KAZN: variants seen among roughly 807,000 people sequenced by gnomAD.
KAZN encodes kazrin, periplakin interacting protein, also known as kazrin.
In KAZN, 40 loss-of-function variants were observed where a neutral mutation model predicts 87.4. That is an observed-to-expected ratio of 0.46 (90% CI 0.36 to 0.60). The LOEUF (loss-of-function observed/expected upper bound fraction) is 0.60, where lower values mean the gene tolerates loss of function less well. KAZN is among the 20% of genes least tolerant of loss of function. KAZN has a pLI of 0.00. For synonymous variants in KAZN, 466 were observed against 458.3 expected (o/e 1.02, Z -0.22); for missense variants, 898 against 1,073.9 (o/e 0.84, Z 2.29).
chr1:14,588,268 C>A (rs1328898166), intron 2 of KAZN, among the ~76,000 whole-genome samples: 1 of 152,138 alleles, frequency 6.6e-6, no homozygotes, highest in East Asian at 1.9e-4. Flanking sequence ...CATTTAGCCT[C>A]TTCTTGGATA....
At chr1:14,833,902 C>T (rs189681533) in intron 1 of KAZN, among the ~76,000 whole-genome samples, 10 of 151,262 alleles carry the variant, frequency 6.6e-5, no homozygotes, top group East Asian at 2.0e-4. Flanking sequence ...GTCTAAGAGC[C>T]GAGAATGTCA....
At chr1:13,961,749 G>A (rs1641761877) in intron 1 of KAZN, among the ~76,000 whole-genome samples, 1 of 152,138 alleles carries the variant, frequency 6.6e-6, no homozygotes, top group African/African-American at 2.4e-5. Flanking sequence ...AGATTCTCTG[G>A]GATGGACTGA....
chr1:14,932,467 G>C (rs1022877242), intron 1 of KAZN, among the ~76,000 whole-genome samples: 5 of 152,192 alleles, frequency 3.3e-5, no homozygotes, highest in Admixed American at 3.3e-4. Flanking sequence ...CCTGCGTGGG[G>C]CCCTCCCCTG....
chr1:14,551,592 C>A (rs137911682), intron 2 of KAZN, among the ~76,000 whole-genome samples: 2 of 152,284 alleles, frequency 1.3e-5, no homozygotes, highest in South Asian at 2.1e-4. Context: ...ATCTGCTCCA[C>A]GTGTTCGTTC....
At chr1:14,444,361 G>A (rs1299847645) in intron 2 of KAZN, among the ~76,000 whole-genome samples, 1 of 130,452 alleles carries the variant, frequency 7.7e-6, no homozygotes, top group Non-Finnish European at 1.5e-5. Context: ...CACCCAGGCT[G>A]GAGTGCAATG....
chr1:14,053,428 CTG>C (rs1052791951), intron 1 of KAZN, among the ~76,000 whole-genome samples: 3 of 152,190 alleles, frequency 2.0e-5, no homozygotes, highest in African/African-American at 7.2e-5. Context: ...ACCTACAGAA[CTG>C]TGCAATAATG....
At chr1:14,085,544 T>A (rs1204139215) in intron 1 of KAZN, among the ~76,000 whole-genome samples, 1 of 152,252 alleles carries the variant, frequency 6.6e-6, no homozygotes, top group Non-Finnish European at 1.5e-5. Context: ...TGTGTCTACC[T>A]CCTTACACTT....
chr1:14,904,097 T>C (rs1346147925), intron 1 of KAZN, among the ~76,000 whole-genome samples: 1 of 152,178 alleles, frequency 6.6e-6, no homozygotes, highest in Non-Finnish European at 1.5e-5. Flanking sequence ...AGGCTCAGTC[T>C]TGAGTTAGCA....
At chr1:14,745,012 C>T (rs577970223) in intron 1 of KAZN, among the ~76,000 whole-genome samples, 10 of 152,254 alleles carry the variant, frequency 6.6e-5, no homozygotes, top group Admixed American at 3.9e-4. Flanking sequence ...TAACTTACTA[C>T]AGATAGACCT....
At chr1:14,054,580 A>C (rs1642472630) in intron 1 of KAZN, among the ~76,000 whole-genome samples, 1 of 152,234 alleles carries the variant, frequency 6.6e-6, no homozygotes, top group Non-Finnish European at 1.5e-5. Context: ...GGGTAGCTCA[A>C]TTCTTGGCCC....
chr1:13,923,340 G>C (rs531589328), intron 1 of KAZN, among the ~76,000 whole-genome samples: 2 of 152,134 alleles, frequency 1.3e-5, no homozygotes, highest in Non-Finnish European at 2.9e-5. Flanking sequence ...TTGGGAGGCT[G>C]AGGTGGGCAG....
chr1:15,002,785 A>G (rs1217804985), intron 2 of KAZN, among the ~76,000 whole-genome samples: 5 of 151,912 alleles, frequency 3.3e-5, no homozygotes, highest in Admixed American at 2.6e-4. Flanking sequence ...AGACCAGCCT[A>G]CCTAAAATGG....
chr1:14,202,858 CAT>C (rs1181018851), intron 2 of KAZN, among the ~76,000 whole-genome samples: 1 of 152,000 alleles, frequency 6.6e-6, no homozygotes, highest in Admixed American at 6.6e-5. Flanking sequence ...CTCTACTAAA[CAT>C]ATAAAAAGTT....
intron 1 of KAZN, among the ~76,000 whole-genome samples, chr1:13,919,954 T>G (rs1424608953): frequency 6.6e-6 from 1 of 152,232 alleles, no homozygotes; most frequent in East Asian, 1.9e-4. Context: ...GGGGTCATGA[T>G]TCTTCCTTTT....
At chr1:14,587,718 C>T (rs931593255) in intron 2 of KAZN, among the ~76,000 whole-genome samples, 3 of 152,060 alleles carry the variant, frequency 2.0e-5, no homozygotes, top group African/African-American at 4.8e-5. Context: ...GGTACTAAGT[C>T]GGTCATAAGA....
chr1:14,934,332 G>A (rs997959707), intron 1 of KAZN, among the ~76,000 whole-genome samples: 6 of 151,000 alleles, frequency 4.0e-5, no homozygotes, highest in Non-Finnish European at 8.8e-5. Flanking sequence ...TCAGCCTCCC[G>A]AGTAGCTGGG....
At chr1:14,529,314 T>C (rs1380824791) in intron 2 of KAZN, among the ~76,000 whole-genome samples, 11 of 152,058 alleles carry the variant, frequency 7.2e-5, no homozygotes, top group Admixed American at 7.2e-4. Context: ...AAAAAATAAA[T>C]AATTGTCTTT....
chr1:14,303,707 C>G (rs1447565480), intron 2 of KAZN, among the ~76,000 whole-genome samples: 1 of 152,188 alleles, frequency 6.6e-6, no homozygotes, highest in African/African-American at 2.4e-5. Flanking sequence ...CCCATTTATG[C>G]CTATCCAAAC....
At chr1:14,631,178 A>AT (rs997880981) in intron 1 of KAZN, among the ~76,000 whole-genome samples, 10 of 152,156 alleles carry the variant, frequency 6.6e-5, no homozygotes, top group African/African-American at 2.4e-4. Flanking sequence ...AACAGCTGCT[A>AT]TGGAAAGCTA....
Sources: allele counts gnomAD v4.1 joint callset (sites outside exome capture counted in the v4.1 genomes callset), GRCh38; gene constraint gnomAD v4.1.1; transcripts MANE v1.5; gene names NCBI Gene and HGNC (gene_info 2026-07-23, HGNC 2026-07-21).